The following MARK2 variants were observed in gnomAD, a reference collection of about 807,000 sequenced individuals.
MARK2 encodes microtubule affinity regulating kinase 2.
Under a neutral mutation model 89.8 loss-of-function variants are expected in MARK2, and 16 were observed. That is an observed-to-expected ratio of 0.18 (90% confidence interval 0.12 to 0.27). The LOEUF (loss-of-function observed/expected upper bound fraction) is 0.27, where lower values mean the gene tolerates loss of function less well. Ranked by LOEUF, MARK2 falls within the 10% of genes least tolerant of loss-of-function variation. The pLI, the probability that MARK2 is intolerant of heterozygous loss-of-function variation, is 1.00. For synonymous variants in MARK2, 382 were observed against 399.5 expected (o/e 0.96, Z 0.52); for missense variants, 621 against 1,049.9 (o/e 0.59, Z 5.65).
rs373640254 is a variant in MARK2 at position 63,908,940 on chromosome 11, C to T, written c.2070C>T (p.Pro690=). Residue 690 remains proline (P), a synonymous_variant, in exon 19 of 19, where the codon CCC becomes CCT. Coordinates refer to ENST00000402010, the MANE Select transcript of MARK2 (RefSeq NM_001039469.3). ...KEKEEFREAK[P]RSLRFTWSMK... Reference sequence around the variant, plus strand: ...AGGAAGAATTTCGGGAGGCCAAGCCCCGCTCCCTCCGCTTCACGTGGAGTA... The same window carrying T: ...AGGAAGAATTTCGGGAGGCCAAGCCTCGCTCCCTCCGCTTCACGTGGAGTA... 6.5e-7 allele frequency: 1 copy of T among 1,526,914 alleles called. No individual in the cohort carries two copies. Among genetic ancestry groups the T allele is most frequent in the Non-Finnish European group, 8.8e-7 (1 of 1,130,018 alleles). The allele number at this position is 1,526,914 out of a possible 1,614,324, so 94.6% of individuals were successfully genotyped here.
chr11:63,885,048 C>G (rs1437666426), intron 1 of MARK2, among the ~76,000 whole-genome samples: 1 of 152,094 alleles, frequency 6.6e-6, no homozygotes, highest in Non-Finnish European at 1.5e-5. Flanking sequence ...ACAAAAAATA[C>G]AAAAATTAGC....
intron 1 of MARK2, among the ~76,000 whole-genome samples, chr11:63,891,262 T>TTGA (rs1939833416): frequency 1.3e-5 from 2 of 152,152 alleles, no homozygotes; most frequent in South Asian, 4.1e-4. Context: ...CTTGATGATG[T>TTGA]TGATGATAAT....
intron 1 of MARK2, among the ~76,000 whole-genome samples, chr11:63,843,711 G>A (rs377257212): frequency 7.9e-5 from 12 of 151,522 alleles, no homozygotes; most frequent in East Asian, 5.8e-4. Flanking sequence ...TGCAACCTCC[G>A]CCTCCCGGGT....
chr11:63,855,002 T>C (rs2016770281), intron 1 of MARK2, among the ~76,000 whole-genome samples: 1 of 152,052 alleles, frequency 6.6e-6, no homozygotes, highest in South Asian at 2.1e-4. Context: ...TTTATGAAAA[T>C]GAACAAAGTG....
chr11:63,875,152 A>T (rs1052028255), intron 1 of MARK2, among the ~76,000 whole-genome samples: 1 of 121,014 alleles, frequency 8.3e-6, no homozygotes, highest in Non-Finnish European at 1.6e-5. Context: ...GTAGAGTCTC[A>T]CTCTGTCACC....
intron 1 of MARK2, among the ~76,000 whole-genome samples, chr11:63,864,020 C>T (rs572648751): frequency 2.6e-5 from 4 of 152,122 alleles, no homozygotes; most frequent in Non-Finnish European, 5.9e-5. Flanking sequence ...GTGGCGCGAT[C>T]TCGGTTTGCT....
chr11:63,843,683 G>A (rs1016996632), intron 1 of MARK2, among the ~76,000 whole-genome samples: 2 of 151,496 alleles, frequency 1.3e-5, no homozygotes, highest in Non-Finnish European at 2.9e-5. Flanking sequence ...GGAGTGTAGC[G>A]ATGCGATCTC....
chr11:63,857,268 G>A (rs2016913599), intron 1 of MARK2, among the ~76,000 whole-genome samples: 2 of 152,192 alleles, frequency 1.3e-5, no homozygotes, highest in African/African-American at 4.8e-5. Context: ...CCAGGTTCAA[G>A]CAGTTCTCCT....
chr11:63,844,566 G>C (rs918121928), intron 1 of MARK2, among the ~76,000 whole-genome samples: 3 of 152,160 alleles, frequency 2.0e-5, no homozygotes, highest in Non-Finnish European at 4.4e-5. Flanking sequence ...GTTGAAACTC[G>C]GCCTGCTGCA....
chr11:63,906,818 CGCACCCCTGCCCCA>C (rs1214790132), intron 17 of MARK2, among the ~76,000 whole-genome samples: 102 of 151,646 alleles, frequency 6.7e-4, no homozygotes, highest in African/African-American at 2.3e-3. Flanking sequence ...CCCACCCACC[CGCACCCCTGCCCCA>C]GCACCCCTGC....
chr11:63,877,824 G>A (rs570905033), intron 1 of MARK2, among the ~76,000 whole-genome samples: 3 of 152,354 alleles, frequency 2.0e-5, no homozygotes, highest in African/African-American at 7.2e-5. Flanking sequence ...ATTGCCGCCA[G>A]TGAATAAACA....
chr11:63,843,574 ACT>A (rs1378561899), intron 1 of MARK2, among the ~76,000 whole-genome samples: 5 of 151,834 alleles, frequency 3.3e-5, no homozygotes, highest in East Asian at 3.9e-4. Flanking sequence ...TACTCCAAAC[ACT>A]CTCACTGGAC....
chr11:63,866,689 A>T (rs1314610326), intron 1 of MARK2, among the ~76,000 whole-genome samples: 1 of 152,086 alleles, frequency 6.6e-6, no homozygotes, highest in Admixed American at 6.6e-5. Flanking sequence ...ACCTATTCCC[A>T]TTCATCCTCA....
rs1359069580 is a variant in MARK2, at chr11:63,901,421, G to GT, written c.1101+352_1101+353insT. Among the ~76,000 whole-genome samples the GT allele has an allele frequency of 3.5e-3, 387 of 109,230 alleles. 3 individuals are homozygous for GT. Among genetic ancestry groups the GT allele is most frequent in the African/African-American group, 0.013 (378 of 28,876 alleles). 71.7% of individuals were successfully genotyped at this position (109,230 alleles called of 152,430 possible). On this transcript the variant is annotated intron_variant, in intron 11 of 18. Transcript: ENST00000402010. The stretch of plus-strand genomic sequence containing the variant: ...TTTGTATCTGGAAGTGTACATTTCT[G>GT]GGTGTGTGTGTGTGTCTCTGTGTGT...
At chr11:63,874,075 G>A (rs1938605877) in intron 1 of MARK2, among the ~76,000 whole-genome samples, 1 of 152,216 alleles carries the variant, frequency 6.6e-6, no homozygotes, top group African/African-American at 2.4e-5. Flanking sequence ...TGTAGTGCCT[G>A]AGGCCAGGGG....
chr11:63,873,202 C>A (rs1404481663), intron 1 of MARK2, among the ~76,000 whole-genome samples: 3 of 152,174 alleles, frequency 2.0e-5, no homozygotes, highest in Non-Finnish European at 4.4e-5. Context: ...CTAAATACCC[C>A]TGCTCTTCAG....
At chr11:63,889,625 A>G (rs1270443937) in intron 1 of MARK2, among the ~76,000 whole-genome samples, 1 of 152,228 alleles carries the variant, frequency 6.6e-6, no homozygotes, top group Non-Finnish European at 1.5e-5. Context: ...AGTGGATGCA[A>G]AACTATCTTT....
intron 2 of MARK2, 84 bp downstream of exon 2, chr11:63,895,422 C>T: frequency 6.7e-7 from 1 of 1,491,588 alleles, no homozygotes; most frequent in Non-Finnish European, 9.3e-7. Flanking sequence ...CTACTGCAGC[C>T]AACCTCTTGT....
At chr11:63,881,753 C>G (rs1378341837) in intron 1 of MARK2, among the ~76,000 whole-genome samples, 1 of 152,076 alleles carries the variant, frequency 6.6e-6, no homozygotes, top group Non-Finnish European at 1.5e-5. Context: ...TGAGGCCAGC[C>G]TGGGCAAGAT....
Sources: allele counts gnomAD v4.1 joint callset (sites outside exome capture counted in the v4.1 genomes callset), GRCh38; gene constraint gnomAD v4.1.1; transcripts MANE v1.5; gene names NCBI Gene and HGNC (gene_info 2026-07-23, HGNC 2026-07-21).